The following SV2B variants were observed in gnomAD, a reference collection of about 807,000 sequenced individuals.
SV2B encodes synaptic vesicle glycoprotein 2B.
SV2B carries 41 observed loss-of-function variants against 73.9 expected under a neutral mutation model. The ratio of observed to expected loss-of-function variants is 0.56; its 90% CI spans 0.43 to 0.72. The LOEUF (loss-of-function observed/expected upper bound fraction) is 0.72, where lower values mean the gene tolerates loss of function less well. Ranked by LOEUF, SV2B falls within the 30% of genes least tolerant of loss-of-function variation. SV2B has a pLI of 0.00. For missense variants in SV2B, 764 were observed against 857.8 expected, an observed-to-expected ratio of 0.89 and a Z score of 1.37; for synonymous variants, 314 against 314.2, an observed-to-expected ratio of 1.00 and a Z score of 0.01.
At chr15:91,286,888 A>T (rs2141786725) in intron 11 of SV2B, among the ~76,000 whole-genome samples, 1 of 152,252 alleles carries the variant, frequency 6.6e-6, no homozygotes. Context: ...TATAGCAGGA[A>T]CACCTAACAG....
Position 91,298,322 on chromosome 15 carries a change from G to A in SV2B, c.*5770G>A, listed in dbSNP as rs1438325334. 1.3e-5 allele frequency: 2 copies of A among 152,184 alleles called. No individual in the cohort carries two copies. The highest frequency in any genetic ancestry group is 4.8e-5 in the African/African-American group (2 of 41,442). 9.4% of individuals were successfully genotyped at this position (152,184 alleles called of 1,614,324 possible). The stretch of plus-strand genomic sequence containing the variant: ...TTGTGCTTTTGCATGTAGCTGTGTC[G>A]CATTTAGGCCCAGCTCTAAGAACCG... On this transcript the variant is annotated 3_prime_UTR_variant, in exon 13 of 13. Coordinates refer to ENST00000394232, the MANE Select transcript of SV2B (RefSeq NM_001323032.3). This position sits in a 1 kb window ranked among gnomAD's most constrained non-coding sequence, Gnocchi z 5.4.
intron 1 of SV2B, among the ~76,000 whole-genome samples, chr15:91,125,430 ATG>A (rs1442953873): frequency 1.3e-5 from 2 of 152,116 alleles, no homozygotes; most frequent in Non-Finnish European, 2.9e-5. Context: ...CGGCCTTTGT[ATG>A]ATCATCATTC....
Position 91,285,053 on chromosome 15 carries a change from AG to A in SV2B, c.1708+834del, listed in dbSNP as rs377476063. Among the ~76,000 whole-genome samples, 72 of 152,344 alleles carry A rather than the reference AG, an allele frequency of 4.7e-4. 1 individual carries two copies. The highest frequency in any genetic ancestry group is 1.7e-3 in the African/African-American group (71 of 41,584). On this transcript the variant is annotated intron_variant, in intron 11 of 12. Coordinates refer to ENST00000394232, the MANE Select transcript of SV2B (RefSeq NM_001323032.3). ...ACCTGCGTTAGGGTTGACGTTGATT[AG>A]GAAAGTTAATACGAAGCTTCCTAGC...
At chr15:91,103,057 C>T (rs2041780649) in intron 1 of SV2B, among the ~76,000 whole-genome samples, 2 of 152,128 alleles carry the variant, frequency 1.3e-5, no homozygotes, top group South Asian at 4.1e-4. Flanking sequence ...GATATTGCCT[C>T]TTAGGATTCC....
chr15:91,212,494 A>C (rs568366411), intron 1 of SV2B, among the ~76,000 whole-genome samples: 1 of 152,204 alleles, frequency 6.6e-6, no homozygotes, highest in African/African-American at 2.4e-5. Flanking sequence ...CAAGTTTGCT[A>C]AGATTCACTG....
At chr15:91,158,705 TCTC>T (rs2043594438) in intron 1 of SV2B, among the ~76,000 whole-genome samples, 9 of 85,666 alleles carry the variant, frequency 1.1e-4, no homozygotes, top group African/African-American at 2.8e-4. Context: ...TCTTCTCTCC[TCTC>T]CTCTCCTCTC....
At chr15:91,177,235 T>G (rs1174377832) in intron 1 of SV2B, among the ~76,000 whole-genome samples, 1 of 152,102 alleles carries the variant, frequency 6.6e-6, no homozygotes, top group Non-Finnish European at 1.5e-5. Flanking sequence ...GGCTCTGTTC[T>G]GTTCCATTGA....
In SV2B at chr15:91,136,396, C is replaced by A. The variant is rs1389619132; in HGVS notation, c.-392+36033C>A. The stretch of plus-strand genomic sequence containing the variant: ...TGTGGGTGACTTACTCTCTAGGGGC[C>A]TTAGGTATATTCTCGGAGAGAGAAC... On this transcript the variant is annotated intron_variant, in intron 1 of 12. Transcript: ENST00000394232. This position sits in a 1 kb window ranked among gnomAD's most constrained non-coding sequence, Gnocchi z 5.6. Among the ~76,000 whole-genome samples, 1 of 152,172 alleles carries A rather than the reference C, an allele frequency of 6.6e-6. No individual in the cohort carries two copies. The highest frequency in any genetic ancestry group is 2.4e-5 in the African/African-American group (1 of 41,448).
At chr15:91,180,406 C>T (rs1324631959) in intron 1 of SV2B, among the ~76,000 whole-genome samples, 2 of 151,656 alleles carry the variant, frequency 1.3e-5, no homozygotes, top group South Asian at 2.1e-4. Context: ...ATCTTTGTGG[C>T]GTTCTCTGTA....
chr15:91,213,706 A>T (rs1252790683), intron 1 of SV2B, among the ~76,000 whole-genome samples: 1 of 152,160 alleles, frequency 6.6e-6, no homozygotes, highest in African/African-American at 2.4e-5. Context: ...AACTGACTGC[A>T]TTCATTTAGT....
At chr15:91,222,255 G>C (rs2046244152) in intron 1 of SV2B, among the ~76,000 whole-genome samples, 1 of 152,120 alleles carries the variant, frequency 6.6e-6, no homozygotes, top group Non-Finnish European at 1.5e-5. Context: ...CTTATTTTCT[G>C]TAAAATGGGC....
chr15:91,254,901 C>G (rs951884426), intron 4 of SV2B, among the ~76,000 whole-genome samples: 10 of 152,198 alleles, frequency 6.6e-5, no homozygotes, highest in African/African-American at 2.4e-4. Context: ...TCACACTTGA[C>G]CAATGAGAAA....
intron 1 of SV2B, among the ~76,000 whole-genome samples, chr15:91,171,906 C>G (rs2044134856): frequency 6.6e-6 from 1 of 152,200 alleles, no homozygotes; most frequent in Non-Finnish European, 1.5e-5. Context: ...TCCACTCCCT[C>G]TTCACACCAT....
At chr15:91,237,414 G>GA (rs757022767) in intron 2 of SV2B, among the ~76,000 whole-genome samples, 33 of 152,266 alleles carry the variant, frequency 2.2e-4, no homozygotes, top group African/African-American at 7.7e-4. Flanking sequence ...CCCCTGGGGG[G>GA]AAAAATCACT....
At chr15:91,161,488 C>A (rs1391015745) in intron 1 of SV2B, among the ~76,000 whole-genome samples, 1 of 152,278 alleles carries the variant, frequency 6.6e-6, no homozygotes, top group East Asian at 1.9e-4. Flanking sequence ...TGTAACAATG[C>A]AAGTGATAGT....
chr15:91,185,193 C>A (rs8028713), intron 1 of SV2B, among the ~76,000 whole-genome samples: 6,252 of 152,232 alleles, frequency 0.041, 425 homozygotes, highest in African/African-American at 0.14. Context: ...CCTCAGCGTC[C>A]CAAGTAGCTG....
In SV2B at chr15:91,197,896, T is replaced by G. The variant is rs754051085; in HGVS notation, c.-391-27977T>G. Reference sequence around the variant, plus strand: ...AAAAAATACAAAAATTAGCCAGGCATGGTGGGGGACCCGTGTAATCCCAGC... The same window carrying G: ...AAAAAATACAAAAATTAGCCAGGCAGGGTGGGGGACCCGTGTAATCCCAGC... On this transcript the variant is annotated intron_variant, in intron 1 of 12. Transcript: ENST00000394232. The surrounding 1 kb of genome is among the most constrained non-coding windows in gnomAD (Gnocchi z 4.9). Among the ~76,000 whole-genome samples the G allele has an allele frequency of 6.6e-6, 1 of 151,942 alleles. No homozygotes were observed. Among genetic ancestry groups the G allele is most frequent in the Non-Finnish European group, 1.5e-5 (1 of 68,002 alleles).
In SV2B at chr15:91,118,149, G is replaced by A. The variant is rs767434081; in HGVS notation, c.-392+17786G>A. Among the ~76,000 whole-genome samples the A allele has an allele frequency of 6.6e-6, 1 of 152,084 alleles. No homozygotes were observed. Among genetic ancestry groups the A allele is most frequent in the South Asian group, 2.1e-4 (1 of 4,828 alleles). Reference sequence around the variant, plus strand: ...TTGTTCCCCATAAAACCAAGAAAAGGGCCTCCAAGAGACTCCCTTATGGGG... The same window carrying A: ...TTGTTCCCCATAAAACCAAGAAAAGAGCCTCCAAGAGACTCCCTTATGGGG... On this transcript the variant is annotated intron_variant, in intron 1 of 12. Transcript: ENST00000394232. This position sits in a 1 kb window ranked among gnomAD's most constrained non-coding sequence, Gnocchi z 4.7.
Position 91,284,057 on chromosome 15 carries a change from T to C in SV2B, c.1544T>C (p.Ile515Thr). The C allele has an allele frequency of 6.2e-7, 1 of 1,614,192 alleles. No individual in the cohort carries two copies. Among genetic ancestry groups the C allele is most frequent in the South Asian group, 1.1e-5 (1 of 91,082 alleles). Residue 515 changes from isoleucine (I) to threonine (T), a missense_variant, in exon 11 of 13, where the codon ATC (isoleucine) becomes ACC (threonine). Transcript: ENST00000394232. The surrounding 1 kb of genome is among the most constrained non-coding windows in gnomAD (Gnocchi z 4.5). ...CACAAGTTCATCAACTGTCGGTTTA[T>C]CAACTCCACCTTCCTGGAGCAGAAG... ...YEHKFINCRF[I>T]NSTFLEQKEG...
Sources: gnomAD v4.1 joint callset for allele counts (sites outside exome capture counted in the v4.1 genomes callset) on GRCh38, gnomAD v4.1.1 for gene constraint, Gnocchi (gnomAD v3.1) non-coding constraint, MANE v1.5 for transcripts, NCBI Gene and HGNC (gene_info 2026-07-23, HGNC 2026-07-21) for gene names.